The following KCNQ3 variants were observed in gnomAD, a reference collection of about 807,000 sequenced individuals.
KCNQ3 encodes potassium voltage-gated channel subfamily Q member 3, also known as potassium voltage-gated channel subfamily KQT member 3.
Under a neutral mutation model 92.5 loss-of-function variants are expected in KCNQ3, and 30 were observed. That is an observed-to-expected ratio of 0.32 (90% confidence interval 0.24 to 0.44). The LOEUF (loss-of-function observed/expected upper bound fraction) is 0.44, where lower values mean the gene tolerates loss of function less well. KCNQ3 is among the 20% of genes least tolerant of loss of function. KCNQ3 has a pLI of 1.00. For synonymous variants in KCNQ3, 450 were observed against 468.8 expected (o/e 0.96, Z 0.52); for missense variants, 913 against 1,140.3 (o/e 0.80, Z 2.87).
chr8:132,267,247 C>T (rs1256910868), intron 1 of KCNQ3, among the ~76,000 whole-genome samples: 4 of 152,138 alleles, frequency 2.6e-5, no homozygotes, highest in Admixed American at 1.3e-4. Context: ...TTAACCAAGG[C>T]CCCTAATTAT....
intron 11 of KCNQ3, among the ~76,000 whole-genome samples, chr8:132,139,573 G>A (rs1171911267): frequency 6.6e-6 from 1 of 152,176 alleles, no homozygotes; most frequent in East Asian, 1.9e-4. Context: ...TTTTCTTGCA[G>A]AATTCTAAAG....
intron 1 of KCNQ3, among the ~76,000 whole-genome samples, chr8:132,457,793 G>C (rs1216394641): frequency 2.0e-5 from 3 of 152,132 alleles, no homozygotes; most frequent in African/African-American, 7.2e-5. Flanking sequence ...GCTATCCTAT[G>C]GTCACAGTGG....
intron 1 of KCNQ3, among the ~76,000 whole-genome samples, chr8:132,440,278 A>C (rs1367172074): frequency 6.6e-6 from 1 of 152,202 alleles, no homozygotes; most frequent in Non-Finnish European, 1.5e-5. Context: ...TAACAGAGAG[A>C]AGCTGCCAGC....
chr8:132,446,478 TG>T (rs1821680439), intron 1 of KCNQ3, among the ~76,000 whole-genome samples: 1 of 152,150 alleles, frequency 6.6e-6, no homozygotes, highest in Admixed American at 6.5e-5. Context: ...CCTCCTTCCC[TG>T]GGTTCAGGTT....
intron 1 of KCNQ3, among the ~76,000 whole-genome samples, chr8:132,246,422 C>T (rs1336632814): frequency 6.6e-6 from 1 of 152,188 alleles, no homozygotes; most frequent in Non-Finnish European, 1.5e-5. Context: ...CTTTAGCATC[C>T]CATCTTCAGG....
intron 1 of KCNQ3, among the ~76,000 whole-genome samples, chr8:132,405,533 C>T (rs1820452210): frequency 6.6e-6 from 1 of 152,154 alleles, no homozygotes; most frequent in South Asian, 2.1e-4. Context: ...GGTGAGTACT[C>T]CACTCCACCA....
chr8:132,260,125 C>T (rs956860425), intron 1 of KCNQ3, among the ~76,000 whole-genome samples: 1 of 152,140 alleles, frequency 6.6e-6, no homozygotes, highest in African/African-American at 2.4e-5. Flanking sequence ...GTAGAATTTA[C>T]AAAAATTGAA....
At chr8:132,391,257 CA>C (rs1820040186) in intron 1 of KCNQ3, among the ~76,000 whole-genome samples, 1 of 152,100 alleles carries the variant, frequency 6.6e-6, no homozygotes, top group Non-Finnish European at 1.5e-5. Context: ...ATGATGGTAT[CA>C]AAAGGGCAGA....
chr8:132,441,061 G>C (rs576151549), intron 1 of KCNQ3, among the ~76,000 whole-genome samples: 1 of 152,336 alleles, frequency 6.6e-6, no homozygotes, highest in Non-Finnish European at 1.5e-5. Context: ...GACAACTGGG[G>C]CTCCAAGAGG....
chr8:132,172,431 C>CAG (rs1554626953), intron 7 of KCNQ3, among the ~76,000 whole-genome samples, 167 bp downstream of exon 7: 1 of 150,700 alleles, frequency 6.6e-6, no homozygotes, highest in African/African-American at 2.4e-5. Flanking sequence ...CACACACACA[C>CAG]ACACAGACAC....
At chr8:132,254,495 T>C (rs1009270967) in intron 1 of KCNQ3, among the ~76,000 whole-genome samples, 1 of 152,246 alleles carries the variant, frequency 6.6e-6, no homozygotes, top group African/African-American at 2.4e-5. Context: ...ATTTTGTTTA[T>C]ATGTGTTTGT....
chr8:132,281,012 G>A (rs1356125795), intron 1 of KCNQ3, among the ~76,000 whole-genome samples: 1 of 152,068 alleles, frequency 6.6e-6, no homozygotes, highest in Non-Finnish European at 1.5e-5. Flanking sequence ...CAATCATCAG[G>A]GTTATTGTTC....
At chr8:132,361,365 T>C (rs1457994781) in intron 1 of KCNQ3, among the ~76,000 whole-genome samples, 2 of 152,220 alleles carry the variant, frequency 1.3e-5, no homozygotes, top group African/African-American at 2.4e-5. Context: ...TGGCCATACC[T>C]GGTAGCTCCA....
At chr8:132,178,103 T>C (rs1826629238) in intron 4 of KCNQ3, among the ~76,000 whole-genome samples, 1 of 152,364 alleles carries the variant, frequency 6.6e-6, no homozygotes, top group East Asian at 1.9e-4. Context: ...GGATCTATTA[T>C]AGTCTAGAGG....
At chr8:132,355,617 G>A (rs552208174) in intron 1 of KCNQ3, among the ~76,000 whole-genome samples, 3 of 152,150 alleles carry the variant, frequency 2.0e-5, no homozygotes, top group Non-Finnish European at 4.4e-5. Flanking sequence ...AGGGAAGCTG[G>A]TCTAAAAAAA....
intron 1 of KCNQ3, among the ~76,000 whole-genome samples, chr8:132,383,268 C>A (rs1010040797): frequency 6.6e-6 from 1 of 152,212 alleles, no homozygotes; most frequent in African/African-American, 2.4e-5. Context: ...TGAGGCCACA[C>A]GGCAGGCAGG....
At chr8:132,350,288 G>T (rs1417803779) in intron 1 of KCNQ3, among the ~76,000 whole-genome samples, 1 of 152,186 alleles carries the variant, frequency 6.6e-6, no homozygotes, top group Non-Finnish European at 1.5e-5. Context: ...TCATGGTGGG[G>T]AGGGGCTAGG....
At chr8:132,372,778 A>C (rs1819510330) in intron 1 of KCNQ3, among the ~76,000 whole-genome samples, 1 of 151,138 alleles carries the variant, frequency 6.6e-6, no homozygotes, top group Non-Finnish European at 1.5e-5. Context: ...AAAAACAAAA[A>C]AAAAAACGCT....
chr8:132,370,305 A>AATGG (rs144738613), intron 1 of KCNQ3, among the ~76,000 whole-genome samples: 6,154 of 152,068 alleles, frequency 0.04, 366 homozygotes, highest in African/African-American at 0.13. Flanking sequence ...GTGCCTGCTA[A>AATGG]ATGGATGAAT....
Sources: gnomAD v4.1 joint callset for allele counts (sites outside exome capture counted in the v4.1 genomes callset) on GRCh38, gnomAD v4.1.1 for gene constraint, MANE v1.5 for transcripts, NCBI Gene and HGNC (gene_info 2026-07-23, HGNC 2026-07-21) for gene names.